Variants in C7orf33 observed in about 807,000 individuals in gnomAD.
C7orf33 encodes the protein chromosome 7 open reading frame 33, also known as uncharacterized protein C7orf33.
Under a neutral mutation model 13.4 loss-of-function variants are expected in C7orf33, and 15 were observed. The observed-to-expected ratio is 1.12, with a 90% CI of 0.75 to 1.72. The LOEUF is 1.72. Among genes scored for constraint, C7orf33 ranks in the 40% most tolerant of loss-of-function variants. The pLI, the probability that C7orf33 is intolerant of heterozygous loss-of-function variation, is 0.00. For missense variants in C7orf33, 187 were observed against 220.3 expected, an observed-to-expected ratio of 0.85 and a Z score of 0.96; for synonymous variants, 73 against 83.2, an observed-to-expected ratio of 0.88 and a Z score of 0.67.
In C7orf33 at chr7:148,590,904, A is replaced by G. The variant is rs1302687656; in HGVS notation, c.-22A>G. Reference sequence around the variant, plus strand: ...GCCGCTCTCCTTGACAGCATCCAGGAAAGGTAATTACCTTTGCCAAAATGC... The same window carrying G: ...GCCGCTCTCCTTGACAGCATCCAGGGAAGGTAATTACCTTTGCCAAAATGC... On this transcript the variant is annotated 5_prime_UTR_variant, in exon 1 of 3. Transcript: ENST00000307003. The G allele has an allele frequency of 1.2e-6, 2 of 1,610,820 alleles. No individual in the cohort carries two copies. Among genetic ancestry groups the G allele is most frequent in the African/African-American group, 1.3e-5 (1 of 74,862 alleles).
intron 1 of C7orf33, among the ~76,000 whole-genome samples, chr7:148,595,630 C>CATCTATATTATATATAATATAG (rs1796327845): frequency 1.1e-5 from 1 of 89,020 alleles, no homozygotes; most frequent in African/African-American, 5.5e-5. Flanking sequence ...ATATAATATA[C>CATCTATATTATATATAATATAG]ATCTATATTA....
At chr7:148,605,409 G>C (rs1052708510) in intron 1 of C7orf33, among the ~76,000 whole-genome samples, 37 of 152,314 alleles carry the variant, frequency 2.4e-4, no homozygotes, top group African/African-American at 8.9e-4. Context: ...TGCTTTGCCA[G>C]CTGGACCCAG....
At position 148,593,662 on chromosome 7, in the gene C7orf33, C is replaced by T. The variant is rs1044296703; in HGVS notation, c.204+2533C>T. 2.4e-4 allele frequency among the ~76,000 whole-genome samples: 37 copies of T among 152,188 alleles called. 1 individual carries two copies. The highest frequency in any genetic ancestry group is 1.5e-3 in the East Asian group (8 of 5,188). The stretch of plus-strand genomic sequence containing the variant: ...GTTAATTTGAAGTCAAAATGCTTTT[C>T]CTCTGACTGGGTGTTTAATGCATTT... On this transcript the variant is annotated intron_variant, in intron 1 of 2. Transcript: ENST00000307003.
intron 1 of C7orf33, among the ~76,000 whole-genome samples, chr7:148,597,149 C>G (rs1344463585): frequency 6.6e-6 from 1 of 151,030 alleles, no homozygotes; most frequent in Non-Finnish European, 1.5e-5. Flanking sequence ...TTGTGAGGAC[C>G]TAAGTTTTCA....
intron 1 of C7orf33, among the ~76,000 whole-genome samples, chr7:148,594,466 G>C (rs1008337067): frequency 6.6e-6 from 1 of 152,072 alleles, no homozygotes; most frequent in African/African-American, 2.4e-5. Context: ...GTGAACCACC[G>C]CGCCCGACCA....
At chr7:148,601,492 T>G (rs1226605763) in intron 1 of C7orf33, among the ~76,000 whole-genome samples, 2 of 148,194 alleles carry the variant, frequency 1.3e-5, no homozygotes, top group East Asian at 4.2e-4. Flanking sequence ...ACTTCAGGCA[T>G]GTACCACCAC....
chr7:148,598,763 TAGAGAGAGAGAGAGAGAGAGAG>T (rs774619392), intron 1 of C7orf33, among the ~76,000 whole-genome samples: 38 of 26,190 alleles, frequency 1.5e-3, no homozygotes, highest in South Asian at 4.0e-3. Context: ...TATATATATA[TAGAGAGAGAGAGAGAGAGAGAG>T]AGAGAGAGAG....
At chr7:148,595,353 A>T (rs13222755) in intron 1 of C7orf33, among the ~76,000 whole-genome samples, 9,175 of 137,782 alleles carry the variant, frequency 0.067, 400 homozygotes, top group Middle Eastern at 0.15. Flanking sequence ...TATATTATAT[A>T]GATATATCAA....
At chr7:148,611,533 T>C (rs4726987) in intron 1 of C7orf33, among the ~76,000 whole-genome samples, 91,916 of 151,912 alleles carry the variant, frequency 0.61, 28,201 homozygotes, top group East Asian at 0.68. Flanking sequence ...CCCCACCCCT[T>C]CAACTTCCGG....
chr7:148,597,735 T>TTTTG (rs761410230), intron 1 of C7orf33, among the ~76,000 whole-genome samples: 1 of 113,666 alleles, frequency 8.8e-6, no homozygotes. Context: ...TCTGCATTTG[T>TTTTG]TTTGTTTTGT....
In C7orf33 at chr7:148,615,646, G is replaced by C. The variant is rs1045847178; in HGVS notation, c.*245G>C. The C allele has an allele frequency of 1.3e-5, 5 of 398,902 alleles. No individual in the cohort carries two copies. The highest frequency in any genetic ancestry group is 2.3e-5 in the Non-Finnish European group (5 of 213,828). 24.7% of individuals were successfully genotyped at this position (398,902 alleles called of 1,614,324 possible). A position where few individuals can be genotyped will look rare whatever the true frequency, so the allele number is the denominator to read the frequency against. On this transcript the variant is annotated 3_prime_UTR_variant, in exon 3 of 3. Coordinates refer to ENST00000307003, the MANE Select transcript of C7orf33 (RefSeq NM_145304.4). ...GTGCACTGGTGTGGGGCCCAGGAGAGGACCACGGAGTGACAAGCCACCAGG... is the reference window on the plus strand; with the variant it reads ...GTGCACTGGTGTGGGGCCCAGGAGACGACCACGGAGTGACAAGCCACCAGG...
chr7:148,594,872 A>G (rs573051503), intron 1 of C7orf33, among the ~76,000 whole-genome samples: 108 of 152,124 alleles, frequency 7.1e-4, no homozygotes, highest in African/African-American at 2.5e-3. Context: ...GTTATGGTTC[A>G]GGAACCTAAC....
Position 148,598,014 on chromosome 7 carries a change from A to G in C7orf33, c.204+6885A>G, listed in dbSNP as rs1334087403. On this transcript the variant is annotated intron_variant, in intron 1 of 2. Coordinates refer to ENST00000307003, the MANE Select transcript of C7orf33 (RefSeq NM_145304.4). ...TAGTGATCCTCCCGCCTTGGTCTCCAAAAGTATTGGGATTACAGGAGTGAG... is the reference window on the plus strand; with the variant it reads ...TAGTGATCCTCCCGCCTTGGTCTCCGAAAGTATTGGGATTACAGGAGTGAG... Among the ~76,000 whole-genome samples the G allele has an allele frequency of 2.0e-5, 3 of 152,142 alleles. No homozygotes were observed. In the East Asian group the frequency reaches 5.8e-4, roughly 29 times the overall value.
At chr7:148,591,886 C>G (rs1193007703) in intron 1 of C7orf33, among the ~76,000 whole-genome samples, 1 of 152,134 alleles carries the variant, frequency 6.6e-6, no homozygotes, top group Admixed American at 6.6e-5. Flanking sequence ...TAACTCTTTG[C>G]CTGTCTTTGA....
At chr7:148,615,293 T>G in intron 2 of C7orf33, 34 bp from the exon 3 acceptor site, 1 of 1,437,732 alleles carries the variant, frequency 7.0e-7, no homozygotes, top group Non-Finnish European at 9.8e-7. Context: ...TAAATCATCC[T>G]GAGATAACAG....
chr7:148,595,614 T>TAAC (rs1796327157), intron 1 of C7orf33, among the ~76,000 whole-genome samples: 1 of 125,722 alleles, frequency 8.0e-6, no homozygotes, highest in African/African-American at 3.4e-5. Context: ...ATATTATATA[T>TAAC]ATTATATATA....
intron 1 of C7orf33, among the ~76,000 whole-genome samples, chr7:148,607,492 A>C (rs1226963227): frequency 6.6e-6 from 1 of 152,134 alleles, no homozygotes; most frequent in East Asian, 1.9e-4. Flanking sequence ...ATTTCCCTAG[A>C]ATGTAGATTT....
At chr7:148,591,981 A>G (rs1410704156) in intron 1 of C7orf33, among the ~76,000 whole-genome samples, 2 of 152,020 alleles carry the variant, frequency 1.3e-5, no homozygotes, top group Admixed American at 6.5e-5. Flanking sequence ...CTTTGTATTT[A>G]TCTCCAGCTT....
At chr7:148,597,271 GTTAT>G (rs1380922964) in intron 1 of C7orf33, among the ~76,000 whole-genome samples, 4 of 151,592 alleles carry the variant, frequency 2.6e-5, no homozygotes, top group Non-Finnish European at 4.4e-5. Flanking sequence ...TATTTAAAAT[GTTAT>G]TTATTTATTT....
Sources: gnomAD v4.1 joint callset for allele counts (sites outside exome capture counted in the v4.1 genomes callset) on GRCh38, gnomAD v4.1.1 for gene constraint, MANE v1.5 for transcripts, NCBI Gene and HGNC (gene_info 2026-07-23, HGNC 2026-07-21) for gene names.